MRRF: variants seen among roughly 807,000 people sequenced by gnomAD.
MRRF encodes the protein ribosome-recycling factor, mitochondrial.
MRRF carries 18 observed loss-of-function variants against 25.1 expected under a neutral mutation model. That is an observed-to-expected ratio of 0.72 (90% CI 0.50 to 1.06). MRRF has a LOEUF of 1.06. MRRF is among the 50% of genes least tolerant of loss of function. The pLI, the probability that MRRF is intolerant of heterozygous loss-of-function variation, is 0.00. For missense variants in MRRF, 323 were observed against 319.3 expected (o/e 1.01, Z -0.09); for synonymous variants, 113 against 112.1 (o/e 1.01, Z -0.05).
At chr9:122,272,218 A>G (rs1832503275) in intron 2 of MRRF, among the ~76,000 whole-genome samples, 1 of 152,226 alleles carries the variant, frequency 6.6e-6, no homozygotes, top group Non-Finnish European at 1.5e-5. Flanking sequence ...AAATTTGCCC[A>G]TGTTCCTATA....
At chr9:122,291,180 T>C (rs1490574326) in intron 4 of MRRF, among the ~76,000 whole-genome samples, 1 of 152,226 alleles carries the variant, frequency 6.6e-6, no homozygotes, top group East Asian at 1.9e-4. Context: ...AACTGAGATC[T>C]TTCTGACTCC....
rs1232550942 is a variant in MRRF at position 122,326,028 on chromosome 9, G to T, written c.*3411G>T. 6.6e-6 allele frequency: 1 copy of T among 150,526 alleles called. No homozygotes were observed. The highest frequency in any genetic ancestry group is 1.5e-5 in the Non-Finnish European group (1 of 67,840). The allele number at this position is 150,526 out of a possible 1,614,324, so 9.3% of individuals were successfully genotyped here. A position where few individuals can be genotyped will look rare whatever the true frequency, so the allele number is the denominator to read the frequency against. On this transcript the variant is annotated 3_prime_UTR_variant, in exon 7 of 7. Coordinates refer to ENST00000344641, the MANE Select transcript of MRRF (RefSeq NM_138777.5). ...TTCCTAGGCTGGTCTCAAACACCTGGCCTCAAGCGGTCCTTCTGCCTCAGC... is the reference window on the plus strand; with the variant it reads ...TTCCTAGGCTGGTCTCAAACACCTGTCCTCAAGCGGTCCTTCTGCCTCAGC...
At chr9:122,304,047 G>A (rs914602085) in intron 5 of MRRF, among the ~76,000 whole-genome samples, 2 of 143,406 alleles carry the variant, frequency 1.4e-5, no homozygotes, top group African/African-American at 5.5e-5. Flanking sequence ...GGAAATACTG[G>A]TAATACCCTT....
chr9:122,289,485 C>G (rs1040521256), intron 4 of MRRF, among the ~76,000 whole-genome samples: 1 of 151,976 alleles, frequency 6.6e-6, no homozygotes, highest in South Asian at 2.1e-4. Context: ...TGGGGTGTTA[C>G]AGTAGTGATT....
chr9:122,277,749 G>A (rs1303005616), intron 2 of MRRF, among the ~76,000 whole-genome samples: 4 of 152,042 alleles, frequency 2.6e-5, no homozygotes, highest in Non-Finnish European at 2.9e-5. Context: ...ATGGTGTTTT[G>A]CCTTGTTGGC....
intron 5 of MRRF, among the ~76,000 whole-genome samples, chr9:122,311,191 T>G (rs1835182939): frequency 6.6e-6 from 1 of 152,192 alleles, no homozygotes; most frequent in Non-Finnish European, 1.5e-5. Context: ...GAACCTAGTC[T>G]GTCTGACTTC....
intron 5 of MRRF, among the ~76,000 whole-genome samples, chr9:122,297,083 G>A (rs1834135337): frequency 6.6e-6 from 1 of 152,174 alleles, no homozygotes; most frequent in African/African-American, 2.4e-5. Flanking sequence ...GGGAGGCCGA[G>A]GCAGGCAGAT....
intron 1 of MRRF, among the ~76,000 whole-genome samples, chr9:122,268,828 G>A (rs563560408): frequency 1.3e-5 from 2 of 152,062 alleles, no homozygotes; most frequent in Admixed American, 6.5e-5. Flanking sequence ...ATTCCATCGC[G>A]AGAAATGATT....
intron 5 of MRRF, among the ~76,000 whole-genome samples, 161 bp from the exon 6 acceptor site, chr9:122,313,066 G>T (rs975396491): frequency 2.0e-5 from 3 of 152,112 alleles, no homozygotes; most frequent in Non-Finnish European, 4.4e-5. Flanking sequence ...GCAACTTAAA[G>T]CCTTTATACA....
intron 5 of MRRF, among the ~76,000 whole-genome samples, chr9:122,293,118 G>C (rs946382023): frequency 2.6e-5 from 4 of 152,082 alleles, no homozygotes; most frequent in Non-Finnish European, 5.9e-5. Flanking sequence ...AACAAGCAAA[G>C]TAAGGGGATA....
At chr9:122,296,445 C>G (rs1834090176) in intron 5 of MRRF, among the ~76,000 whole-genome samples, 1 of 152,170 alleles carries the variant, frequency 6.6e-6, no homozygotes, top group South Asian at 2.1e-4. Flanking sequence ...CAATTTCTCC[C>G]CAAATTCTTA....
intron 5 of MRRF, among the ~76,000 whole-genome samples, chr9:122,306,312 G>A (rs1199746383): frequency 6.6e-6 from 1 of 152,166 alleles, no homozygotes; most frequent in African/African-American, 2.4e-5. Flanking sequence ...CAGATAATGT[G>A]TATTGAGTAC....
chr9:122,285,290 A>T lies in MRRF; in HGVS notation c.459+3A>T, dbSNP rs772207056. 2 of 1,566,274 alleles carry T rather than the reference A, an allele frequency of 1.3e-6. No homozygotes were observed. The highest frequency in any genetic ancestry group is 1.8e-6 in the Non-Finnish European group (2 of 1,136,530). On this transcript the variant is annotated splice_donor_region_variant and intron_variant, in intron 4 of 6. Transcript: ENST00000344641. ...TGAATATGGCCAGCTTCCCAGAGGT[A>T]AGATGGCCTTGCTAAAATCTCTCTC...
intron 1 of MRRF, among the ~76,000 whole-genome samples, chr9:122,268,887 C>T (rs1252583739): frequency 2.0e-5 from 3 of 152,084 alleles, no homozygotes; most frequent in Non-Finnish European, 4.4e-5. Context: ...ATCATTAGGC[C>T]GGGTGCGGTG....
Position 122,313,350 on chromosome 9 carries a change from A to G in MRRF, c.675A>G (p.Thr225=), listed in dbSNP as rs147364697. The G allele has an allele frequency of 2.5e-6, 4 of 1,614,132 alleles. No individual in the cohort carries two copies. The South Asian group carries it at 3.3e-5, about 13-fold the overall frequency. ...SMNKLKKSKD[T]VSEDTIRLIE... ...ACAAGCTGAAGAAATCCAAGGATAC[A>G]GTCTCAGAGGACACCATTAGGCTAA... Residue 225 remains threonine, a synonymous_variant, in exon 6 of 7, where the codon ACA becomes ACG. Transcript: ENST00000344641.
intron 1 of MRRF, among the ~76,000 whole-genome samples, chr9:122,268,977 A>G (rs1832282703): frequency 6.6e-6 from 1 of 151,992 alleles, no homozygotes. Context: ...CAACCTGGCT[A>G]ACAAGGTGAA....
chr9:122,304,100 C>CACACACACA (rs907283393), intron 5 of MRRF, among the ~76,000 whole-genome samples: 1 of 149,998 alleles, frequency 6.7e-6, no homozygotes, highest in Non-Finnish European at 1.5e-5. Context: ...CACACACACA[C>CACACACACA]CCTTTAGGGA....
intron 5 of MRRF, among the ~76,000 whole-genome samples, chr9:122,303,473 T>C (rs1193125297): frequency 6.6e-6 from 1 of 152,134 alleles, no homozygotes; most frequent in African/African-American, 2.4e-5. Context: ...CCTAACCTCC[T>C]GGGCTCAAGC....
Position 122,308,558 on chromosome 9 carries a change from G to A in MRRF, c.552-4669G>A, listed in dbSNP as rs569378226. Reference sequence around the variant, plus strand: ...TACTAAAAATACAAAAATTATCCAGGCATGGTGGCTTGTGACTGTAATCCC... The same window carrying A: ...TACTAAAAATACAAAAATTATCCAGACATGGTGGCTTGTGACTGTAATCCC... On this transcript the variant is annotated intron_variant, in intron 5 of 6. Transcript: ENST00000344641. Among the ~76,000 whole-genome samples, 9 of 151,590 alleles carry A rather than the reference G, an allele frequency of 5.9e-5. No individual in the cohort carries two copies. In the South Asian group the frequency reaches 1.9e-3, roughly 32 times the overall value.
Sources: gnomAD v4.1 joint callset for allele counts (sites outside exome capture counted in the v4.1 genomes callset) on GRCh38, gnomAD v4.1.1 for gene constraint, MANE v1.5 for transcripts, NCBI Gene and HGNC (gene_info 2026-07-23, HGNC 2026-07-21) for gene names.